Variants in CCDC183 observed in about 807,000 individuals in gnomAD.
The protein encoded by CCDC183 is coiled-coil domain-containing protein 183.
CCDC183 carries 63 observed loss-of-function variants against 65.2 expected under a neutral mutation model. The ratio of observed to expected loss-of-function variants is 0.97; its 90% CI spans 0.79 to 1.19. The LOEUF is 1.19. Among genes scored for constraint, CCDC183 ranks in the 50% most tolerant of loss-of-function variants. The probability of loss-of-function intolerance (pLI) is 0.00; values close to 1 mark genes in which losing one functional copy is unlikely to be tolerated. For missense variants in CCDC183, 769 were observed against 689.3 expected, an observed-to-expected ratio of 1.12 and a Z score of -1.30; for synonymous variants, 323 against 276.5, an observed-to-expected ratio of 1.17 and a Z score of -1.67.
chr9:136,804,612 C>T lies in CCDC183; in HGVS notation c.777C>T (p.Ser259=), dbSNP rs753712676. The T allele has an allele frequency of 5.0e-6, 8 of 1,613,582 alleles. No homozygotes were observed. The East Asian group carries it at 8.9e-5, about 18-fold the overall frequency. ...ACAAGATCCACACGAAGGAGACCAG[C>T]GAGAAGTACCGCCGGGTAAGCCCCA... is the stretch of plus-strand genomic sequence containing the variant. The part of the protein sequence containing the change: ...LIDKIHTKET[S]EKYRRGQMDL... The change falls in exon 7 of 14, where the codon AGC becomes AGT. Residue 259 remains serine, a synonymous_variant. Transcript: ENST00000338005. This position sits in a 1 kb window ranked among gnomAD's most constrained non-coding sequence, Gnocchi z 4.1.
At chr9:136,805,161 G>A in intron 8 of CCDC183, 196 bp from the exon 9 acceptor site, 1 of 600,830 alleles carries the variant, frequency 1.7e-6, no homozygotes, top group Non-Finnish European at 3.0e-6. Context: ...CCTCTGCTCT[G>A]GGGCTGCCTG....
Position 136,802,653 on chromosome 9 carries a change from A to C in CCDC183, c.544-11A>C. The stretch of plus-strand genomic sequence containing the variant: ...TCTGTAGGGGCCACAAGAGAACCCC[A>C]TTCAACACAGGTGCTGGCAGGATAC... On this transcript the variant is annotated splice_polypyrimidine_tract_variant and intron_variant, in intron 5 of 13. Coordinates refer to ENST00000338005, the MANE Select transcript of CCDC183 (RefSeq NM_001039374.5). The C allele has an allele frequency of 6.2e-7, 1 of 1,605,286 alleles. No homozygotes were observed. Among genetic ancestry groups the C allele is most frequent in the Non-Finnish European group, 8.5e-7 (1 of 1,176,320 alleles).
intron 1 of CCDC183, 74 bp from the exon 2 acceptor site, chr9:136,799,028 A>C (rs1847695844): frequency 1.9e-6 from 3 of 1,591,978 alleles, no homozygotes; most frequent in East Asian, 2.3e-5. Context: ...CCCTGATGCA[A>C]GCCTCCCCCA....
intron 5 of CCDC183, among the ~76,000 whole-genome samples, chr9:136,801,171 C>T (rs1043605985): frequency 2.0e-5 from 3 of 152,064 alleles, no homozygotes; most frequent in Non-Finnish European, 4.4e-5. Context: ...GAGTGGTGGA[C>T]GGAGGCTGCA....
chr9:136,804,581 T>C lies in CCDC183; in HGVS notation c.746T>C (p.Leu249Pro). The C allele has an allele frequency of 6.2e-7, 1 of 1,612,840 alleles. No individual in the cohort carries two copies. Among genetic ancestry groups the C allele is most frequent in the Non-Finnish European group, 8.5e-7 (1 of 1,179,664 alleles). Reference protein sequence around the residue: ...RENRLNQQKKLIDKIHTKETS... With the variant: ...RENRLNQQKKPIDKIHTKETS... ...AACCGGCTCAACCAGCAGAAGAAGC[T>C]GATCGACAAGATCCACACGAAGGAG... Residue 249 changes from leucine to proline, a missense_variant, in exon 7 of 14, where the codon CTG (leucine) becomes CCG (proline). By Grantham distance (98) the Leu-to-Pro change is moderately conservative (BLOSUM62 -3). Coordinates refer to ENST00000338005, the MANE Select transcript of CCDC183 (RefSeq NM_001039374.5). This position sits in a 1 kb window ranked among gnomAD's most constrained non-coding sequence, Gnocchi z 4.1.
chr9:136,800,099 G>A lies in CCDC183; in HGVS notation c.368G>A (p.Ser123Asn). 6 of 1,559,754 alleles carry A rather than the reference G, an allele frequency of 3.8e-6. No homozygotes were observed. The highest frequency in any genetic ancestry group is 5.2e-6 in the Non-Finnish European group (6 of 1,154,442). ...LVRRRGQKLE[S>N]MQLELDSLRS... ...CGGCGGCGCGGGCAGAAGCTGGAGA[G>A]CATGCAGCTGGAGCTGGACAGCCTG... Residue 123 changes from serine (S) to asparagine (N), a missense_variant, in exon 4 of 14, where the codon AGC (serine) becomes AAC (asparagine). Coordinates refer to ENST00000338005, the MANE Select transcript of CCDC183 (RefSeq NM_001039374.5).
At position 136,806,738 on chromosome 9, in the gene CCDC183, C is replaced by T. The variant is rs764242639; in HGVS notation, c.1279-19C>T. On this transcript the variant is annotated intron_variant, in intron 11 of 13. Transcript: ENST00000338005. ...GGGCAGGGCCAGAGGGGAGATGAGA[C>T]CCTCCTCCCGGCCTACAGAGAGAAG... 9.9e-6 allele frequency: 16 copies of T among 1,613,336 alleles called. No individual in the cohort carries two copies. The highest frequency in any genetic ancestry group is 1.7e-5 in the Admixed American group (1 of 60,002).
rs773704476 is a variant in CCDC183 at position 136,806,994 on chromosome 9, C to T, written c.1414C>T (p.Leu472=). Residue 472 remains leucine, a synonymous_variant, in exon 13 of 14, where the codon CTG becomes TTG. Transcript: ENST00000338005. ...GGGCGACACAAAGGTGAGGGACACC[C>T]TGGAGTCCTCGACTCTGATGGAGAA... ...EEGDTKVRDT[L]ESSTLMEKYN... is the part of the protein sequence containing the mutation. 1.1e-5 allele frequency: 17 copies of T among 1,613,592 alleles called. No homozygotes were observed. In the Middle Eastern group the frequency reaches 4.9e-4, roughly 47 times the overall value.
Position 136,800,123 on chromosome 9 carries a change from T to TGCGGAGCCAGCCC in CCDC183, c.394_406dup (p.Asp136AlafsTer58), listed in dbSNP as rs780388092. On this transcript the variant is annotated frameshift_variant, in exon 4 of 14. Transcript: ENST00000338005. LOFTEE classifies it high-confidence loss of function. ...AGCATGCAGCTGGAGCTGGACAGCC[T>TGCGGAGCCAGCCC]GCGGAGCCAGCCCGACGCCAGCAAG... is the stretch of plus-strand genomic sequence containing the variant. The TGCGGAGCCAGCCC allele has an allele frequency of 1.4e-6, 2 of 1,438,952 alleles. No individual in the cohort carries two copies. Among genetic ancestry groups the TGCGGAGCCAGCCC allele is most frequent in the South Asian group, 2.4e-5 (2 of 82,714 alleles). The allele number at this position is 1,438,952 out of a possible 1,614,324, so 89.1% of individuals were successfully genotyped here.
At chr9:136,799,838 C>T (rs1406131772) in intron 3 of CCDC183, 48 bp downstream of exon 3, 2 of 1,549,500 alleles carry the variant, frequency 1.3e-6, no homozygotes, top group African/African-American at 1.4e-5. Flanking sequence ...CCACCCCTGC[C>T]AGCACCCCCC....
Position 136,800,147 on chromosome 9 carries a change from A to G in CCDC183, c.416A>G (p.Lys139Arg). ...CTGCGGAGCCAGCCCGACGCCAGCA[A>G]GGAGGAGCTGCGGCTGCTGCAGGTG... The part of the protein sequence containing the change: ...DSLRSQPDAS[K>R]EELRLLQIIR... Residue 139 changes from lysine (K) to arginine (R), a missense_variant, in exon 4 of 14, where the codon AAG becomes AGG. Physicochemically the swap from Lys to Arg is conservative, Grantham distance 26. Transcript: ENST00000338005. The G allele has an allele frequency of 7.3e-7, 1 of 1,365,914 alleles. No homozygotes were observed. The highest frequency in any genetic ancestry group is 9.6e-7 in the Non-Finnish European group (1 of 1,037,378). The allele number at this position is 1,365,914 out of a possible 1,614,324, so 84.6% of individuals were successfully genotyped here. A position where few individuals can be genotyped will look rare whatever the true frequency, so the allele number is the denominator to read the frequency against.
At chr9:136,799,553 G>T in intron 2 of CCDC183, 160 bp from the exon 3 acceptor site, 1 of 714,296 alleles carries the variant, frequency 1.4e-6, no homozygotes, top group Non-Finnish European at 2.3e-6. Flanking sequence ...AACTTGGATG[G>T]CCAGGATGGG....
At chr9:136,799,893 C>T in intron 3 of CCDC183, 103 bp downstream of exon 3, 25 of 1,508,188 alleles carry the variant, frequency 1.7e-5, no homozygotes, top group Non-Finnish European at 2.3e-5. Context: ...AGGTGCCCAG[C>T]CCCAGGTTCC....
chr9:136,807,252 C>G, intron 13 of CCDC183, 186 bp downstream of exon 13: 1 of 647,610 alleles, frequency 1.5e-6, no homozygotes, highest in Admixed American at 2.9e-5. Context: ...GCTAAAGCCA[C>G]TGAAATACCT....
In CCDC183 at chr9:136,804,582, G is replaced by A. The variant is rs117422847; in HGVS notation, c.747G>A (p.Leu249=). The A allele has an allele frequency of 1.9e-3, 3,045 of 1,613,714 alleles. 30 individuals are homozygous for A. The Middle Eastern group carries it at 0.029, about 15-fold the overall frequency. The change falls in exon 7 of 14, where the codon CTG becomes CTA. Residue 249 remains leucine (L), a synonymous_variant. Coordinates refer to ENST00000338005, the MANE Select transcript of CCDC183 (RefSeq NM_001039374.5). The surrounding 1 kb of genome is among the most constrained non-coding windows in gnomAD (Gnocchi z 4.1). ...RENRLNQQKK[L]IDKIHTKETS... The stretch of plus-strand genomic sequence containing the variant: ...ACCGGCTCAACCAGCAGAAGAAGCT[G>A]ATCGACAAGATCCACACGAAGGAGA...
At position 136,804,972 on chromosome 9, in the gene CCDC183, G is replaced by A; in HGVS notation, c.847+156G>A. 1.5e-6 allele frequency: 1 copy of A among 666,972 alleles called. No homozygotes were observed. The allele number at this position is 666,972 out of a possible 1,614,324, so 41.3% of individuals were successfully genotyped here. On this transcript the variant is annotated intron_variant, in intron 8 of 13. Transcript: ENST00000338005. The surrounding 1 kb of genome is among the most constrained non-coding windows in gnomAD (Gnocchi z 4.1). The stretch of plus-strand genomic sequence containing the variant: ...GTCCCTGCCTCTCCCTCCAGAGGCT[G>A]AGAGCCTGTAGCCAAATGTGGCCTC...
rs772971720 is a variant in CCDC183, at chr9:136,806,783, C to G, written c.1305C>G (p.Leu435=). 1.2e-6 allele frequency: 2 copies of G among 1,613,636 alleles called. No individual in the cohort carries two copies. The highest frequency in any genetic ancestry group is 1.1e-5 in the South Asian group (1 of 91,082). Reference sequence around the variant, plus strand: ...GAGAAGTGGTGCTCTCCAACACCCTCGATTTGAACAGCAAGCTGGCGTACT... The same window carrying G: ...GAGAAGTGGTGCTCTCCAACACCCTGGATTTGAACAGCAAGCTGGCGTACT... ...TQREVVLSNT[L]DLNSKLAYCE... Residue 435 remains leucine, a synonymous_variant, in exon 12 of 14, where the codon CTC becomes CTG. Coordinates refer to ENST00000338005, the MANE Select transcript of CCDC183 (RefSeq NM_001039374.5).
rs368845118 is a variant in CCDC183, at chr9:136,806,876, G to T, written c.1389+9G>T. 1.8e-3 allele frequency: 2,836 copies of T among 1,613,378 alleles called. 9 individuals are homozygous for T. In the Middle Eastern group the frequency reaches 0.02, roughly 11 times the overall value. On this transcript the variant is annotated intron_variant, in intron 12 of 13. Coordinates refer to ENST00000338005, the MANE Select transcript of CCDC183 (RefSeq NM_001039374.5). ...TGTCCAGGACCGAGGAGGTAGCCCC[G>T]GGCTGGGAGGAACCTGCACAGCCCA...
Position 136,804,828 on chromosome 9 carries a change from G to A in CCDC183, c.847+12G>A. ...GGAGACCCTGAAATGTAAGCGCTCAGCTCCCCACCTGCCCCCAGCCAGGGT... is the reference window on the plus strand; with the variant it reads ...GGAGACCCTGAAATGTAAGCGCTCAACTCCCCACCTGCCCCCAGCCAGGGT... On this transcript the variant is annotated intron_variant, in intron 8 of 13. Coordinates refer to ENST00000338005, the MANE Select transcript of CCDC183 (RefSeq NM_001039374.5). This position sits in a 1 kb window ranked among gnomAD's most constrained non-coding sequence, Gnocchi z 4.1. 1 of 1,612,950 alleles carries A rather than the reference G, an allele frequency of 6.2e-7. No homozygotes were observed.
Sources: gnomAD v4.1 joint callset for allele counts (sites outside exome capture counted in the v4.1 genomes callset) on GRCh38, gnomAD v4.1.1 for gene constraint, Gnocchi (gnomAD v3.1) non-coding constraint, MANE v1.5 for transcripts, NCBI Gene and HGNC (gene_info 2026-07-23, HGNC 2026-07-21) for gene names.